Variants in PCDHA6 observed in about 807,000 individuals in gnomAD.
The protein encoded by PCDHA6 is protocadherin alpha-6.
In PCDHA6, 55 loss-of-function variants were observed where a neutral mutation model predicts 60.3. The ratio of observed to expected loss-of-function variants is 0.91; its 90% CI spans 0.73 to 1.14. The LOEUF (loss-of-function observed/expected upper bound fraction) is 1.14, where lower values mean the gene tolerates loss of function less well. PCDHA6 is among the 50% of genes most tolerant of loss of function. PCDHA6 has a pLI of 0.00. For missense variants in PCDHA6, 1,327 were observed against 1,256.5 expected (o/e 1.06, Z -0.85); for synonymous variants, 652 against 557.9 (o/e 1.17, Z -2.38).
intron 1 of PCDHA6, among the ~76,000 whole-genome samples, chr5:140,973,960 T>C (rs2096609185): frequency 6.6e-6 from 1 of 152,248 alleles, no homozygotes; most frequent in African/African-American, 2.4e-5. Flanking sequence ...TTTACAGGTG[T>C]CTTTAAATGT....
At chr5:140,917,014 T>C (rs1272670553) in intron 1 of PCDHA6, among the ~76,000 whole-genome samples, 1 of 152,168 alleles carries the variant, frequency 6.6e-6, no homozygotes, top group Non-Finnish European at 1.5e-5. Context: ...TCTCCCTTCA[T>C]GTGCAGCTGC....
intron 3 of PCDHA6, among the ~76,000 whole-genome samples, chr5:141,004,848 CAG>C (rs1554259777): frequency 6.6e-6 from 1 of 152,190 alleles, no homozygotes; most frequent in Non-Finnish European, 1.5e-5. Context: ...TCATTAGTCT[CAG>C]AGAAAAAATT....
intron 1 of PCDHA6, chr5:140,842,613 G>C (rs782736515): frequency 1.9e-6 from 3 of 1,595,698 alleles, no homozygotes; most frequent in Non-Finnish European, 2.6e-6. Flanking sequence ...CGGGACGGGG[G>C]CTCGCCTTCG....
intron 1 of PCDHA6, among the ~76,000 whole-genome samples, chr5:140,965,009 T>C (rs2153742434): frequency 6.6e-6 from 1 of 152,248 alleles, no homozygotes; most frequent in South Asian, 2.1e-4. Context: ...GGTGTCAGGA[T>C]CACAACCTTG....
chr5:140,900,438 C>T (rs573115268), intron 1 of PCDHA6, among the ~76,000 whole-genome samples: 21 of 152,234 alleles, frequency 1.4e-4, no homozygotes, highest in South Asian at 8.3e-4. Flanking sequence ...CCACCACGGC[C>T]GGCTAATTTT....
At chr5:140,927,471 C>A (rs1371582285) in intron 1 of PCDHA6, 2 of 1,613,968 alleles carry the variant, frequency 1.2e-6, no homozygotes, top group African/African-American at 1.3e-5. Flanking sequence ...CACTGGATCG[C>A]GAACAGCGCG....
At chr5:140,983,734 G>A (rs1194473513) in intron 3 of PCDHA6, among the ~76,000 whole-genome samples, 15 of 152,170 alleles carry the variant, frequency 9.9e-5, no homozygotes, top group African/African-American at 3.4e-4. Context: ...TAACATGGCT[G>A]GCTTGCAATA....
chr5:140,843,064 G>T (rs2150351494), intron 1 of PCDHA6: 2 of 1,595,268 alleles, frequency 1.3e-6, no homozygotes, highest in Non-Finnish European at 1.7e-6. Context: ...GCAAGCTGGT[G>T]CCGCGGTCTG....
At chr5:140,870,153 CG>C (rs1562639258) in intron 1 of PCDHA6, 2 of 1,614,088 alleles carry the variant, frequency 1.2e-6, no homozygotes, top group South Asian at 2.2e-5. Flanking sequence ...CTGAAGTCGC[CG>C]TGACTTCCTT....
chr5:140,872,581 C>T (rs1037284236), intron 1 of PCDHA6, among the ~76,000 whole-genome samples: 14 of 152,104 alleles, frequency 9.2e-5, no homozygotes, highest in African/African-American at 3.1e-4. Flanking sequence ...GACCTATCAT[C>T]GTGAGACCCC....
At chr5:140,868,633 C>T (rs1554162141) in intron 1 of PCDHA6, 1 of 154,552 alleles carries the variant, frequency 6.5e-6, no homozygotes, top group Non-Finnish European at 1.4e-5. Flanking sequence ...AATTCTCTTT[C>T]TCTCTCACTC....
At chr5:140,941,570 C>T (rs892912533) in intron 1 of PCDHA6, among the ~76,000 whole-genome samples, 17 of 152,046 alleles carry the variant, frequency 1.1e-4, no homozygotes, top group African/African-American at 4.1e-4. Context: ...TCGCCTCAGC[C>T]TCCCAAAGTG....
chr5:140,871,695 T>C (rs1250599377), intron 1 of PCDHA6: 7 of 974,792 alleles, frequency 7.2e-6, no homozygotes, highest in Non-Finnish European at 8.8e-6. Flanking sequence ...CTGGCTTCTT[T>C]AACCAATAAA....
chr5:140,849,017 C>G, intron 1 of PCDHA6: 1 of 1,588,278 alleles, frequency 6.3e-7, no homozygotes, highest in Non-Finnish European at 8.6e-7. Context: ...GACTGAGCCC[C>G]AATGAGTATT....
intron 1 of PCDHA6, among the ~76,000 whole-genome samples, chr5:140,978,171 G>C (rs1386184793): frequency 6.6e-6 from 1 of 152,186 alleles, no homozygotes; most frequent in Non-Finnish European, 1.5e-5. Context: ...AGAGTTTGTA[G>C]AGAGAGGGCA....
rs2150476590 is a variant in PCDHA6, at chr5:140,850,267, T to G, written c.2394+19782T>G. The G allele has an allele frequency of 4.4e-6, 7 of 1,592,494 alleles. 2 individuals carry two copies. Among genetic ancestry groups the G allele is most frequent in the Non-Finnish European group, 6.0e-6 (7 of 1,166,766 alleles). On this transcript the variant is annotated intron_variant, in intron 1 of 3. Coordinates refer to ENST00000529310, the MANE Select transcript of PCDHA6 (RefSeq NM_018909.4). ...CGGTCGGTGGGCGCCGGCGTAGTGG[T>G]GGGGAAGGTGCGCGCAGTGGACGCC...
chr5:140,846,894 A>G (rs2150395518), intron 1 of PCDHA6, among the ~76,000 whole-genome samples: 1 of 149,832 alleles, frequency 6.7e-6, no homozygotes, highest in South Asian at 2.1e-4. Flanking sequence ...AATGACGTTG[A>G]AGTTGAAAGA....
At chr5:140,896,894 T>A (rs1317627647) in intron 1 of PCDHA6, among the ~76,000 whole-genome samples, 6 of 152,208 alleles carry the variant, frequency 3.9e-5, no homozygotes, top group Admixed American at 2.0e-4. Context: ...TGAGACATTT[T>A]GATACAAGCA....
chr5:140,960,789 T>C (rs1221128371), intron 1 of PCDHA6, among the ~76,000 whole-genome samples: 3 of 152,058 alleles, frequency 2.0e-5, no homozygotes. Context: ...CCAAACAAGG[T>C]TTCTATTAAA....
Sources: allele counts gnomAD v4.1 joint callset (sites outside exome capture counted in the v4.1 genomes callset), GRCh38; gene constraint gnomAD v4.1.1; transcripts MANE v1.5; gene names NCBI Gene and HGNC (gene_info 2026-07-23, HGNC 2026-07-21).